KHDRBS2: variants seen among roughly 807,000 people sequenced by gnomAD.
The protein encoded by KHDRBS2 is KH domain-containing, RNA-binding, signal transduction-associated protein 2.
KHDRBS2 carries 26 observed loss-of-function variants against 44.3 expected under a neutral mutation model. That is an observed-to-expected ratio of 0.59 (90% confidence interval 0.43 to 0.81). The LOEUF is 0.81. Ranked by LOEUF, KHDRBS2 falls within the 40% of genes least tolerant of loss-of-function variation. KHDRBS2 has a pLI of 0.00. For missense variants in KHDRBS2, 476 were observed against 433.1 expected (o/e 1.10, Z -0.88); for synonymous variants, 194 against 151.1 (o/e 1.28, Z -2.08).
intron 4 of KHDRBS2, among the ~76,000 whole-genome samples, chr6:61,927,157 A>C (rs1809123596): frequency 6.6e-6 from 1 of 152,116 alleles, no homozygotes; most frequent in Non-Finnish European, 1.5e-5. Flanking sequence ...CAGAGGCAAG[A>C]GTAACAACAA....
chr6:62,213,646 G>A (rs763497122), intron 1 of KHDRBS2, among the ~76,000 whole-genome samples: 3 of 151,604 alleles, frequency 2.0e-5, no homozygotes, highest in Admixed American at 1.3e-4. Flanking sequence ...AGGCTGAGAC[G>A]GTCGGATCAC....
At chr6:62,241,813 T>C (rs190407078) in intron 1 of KHDRBS2, among the ~76,000 whole-genome samples, 54 of 152,274 alleles carry the variant, frequency 3.5e-4, no homozygotes, top group African/African-American at 1.2e-3. Context: ...GTGAGCCAAG[T>C]ACAGTAGAAG....
At chr6:61,990,545 C>G (rs1168458207) in intron 3 of KHDRBS2, among the ~76,000 whole-genome samples, 1 of 151,944 alleles carries the variant, frequency 6.6e-6, no homozygotes, top group African/African-American at 2.4e-5. Context: ...AGAAGTAGAA[C>G]TACAAAGAAA....
chr6:61,781,542 T>C (rs181918764), intron 6 of KHDRBS2, among the ~76,000 whole-genome samples: 166 of 152,314 alleles, frequency 1.1e-3, no homozygotes, highest in African/African-American at 3.9e-3. Context: ...CTGCAAGCTT[T>C]TGCTTTTCCC....
intron 4 of KHDRBS2, among the ~76,000 whole-genome samples, chr6:61,943,016 GAGAA>G (rs939907810): frequency 3.4e-4 from 48 of 139,796 alleles, no homozygotes; most frequent in East Asian, 2.3e-3. Context: ...GAGAGAGAGA[GAGAA>G]AGGAAGGAAG....
intron 2 of KHDRBS2, among the ~76,000 whole-genome samples, chr6:62,062,603 A>G (rs1435957958): frequency 6.7e-6 from 1 of 149,572 alleles, no homozygotes; most frequent in African/African-American, 2.4e-5. Context: ...ACAACATACC[A>G]GAATCTCTGG....
At chr6:61,694,487 T>C (rs1767692100) in intron 8 of KHDRBS2, among the ~76,000 whole-genome samples, 1 of 152,178 alleles carries the variant, frequency 6.6e-6, no homozygotes, top group African/African-American at 2.4e-5. Flanking sequence ...GCCCAGTTTG[T>C]GTCTTATTCA....
intron 4 of KHDRBS2, among the ~76,000 whole-genome samples, chr6:61,901,818 A>C (rs1421046400): frequency 6.6e-6 from 1 of 152,208 alleles, no homozygotes; most frequent in African/African-American, 2.4e-5. Flanking sequence ...GAGCAATCCC[A>C]AGGGCTCAGA....
intron 8 of KHDRBS2, among the ~76,000 whole-genome samples, chr6:61,696,735 A>G (rs1262233853): frequency 2.0e-5 from 3 of 152,130 alleles, no homozygotes; most frequent in Non-Finnish European, 2.9e-5. Flanking sequence ...CTTATTGACT[A>G]TCAATTTTTT....
downstream of KHDRBS2, among the ~76,000 whole-genome samples, chr6:61,677,444 A>G (rs937562377): frequency 9.9e-5 from 15 of 151,970 alleles, no homozygotes; most frequent in African/African-American, 3.6e-4. Flanking sequence ...GCAATCTTGC[A>G]GAGAAAAGAA....
intron 3 of KHDRBS2, among the ~76,000 whole-genome samples, chr6:62,017,663 T>C (rs1781453898): frequency 6.6e-6 from 1 of 152,086 alleles, no homozygotes; most frequent in African/African-American, 2.4e-5. Flanking sequence ...GAAAAACCCA[T>C]AGAAATTAGT....
At chr6:61,817,063 G>T in intron 6 of KHDRBS2, 1 of 403,926 alleles carries the variant, frequency 2.5e-6, no homozygotes, top group Middle Eastern at 3.6e-4. Flanking sequence ...ATAATATTCA[G>T]GTTTTCTAAA....
At chr6:62,079,457 A>G (rs565523393) in intron 2 of KHDRBS2, among the ~76,000 whole-genome samples, 1 of 152,154 alleles carries the variant, frequency 6.6e-6, no homozygotes, top group South Asian at 2.1e-4. Flanking sequence ...TATATTTTAC[A>G]TTTGTCACTG....
intron 1 of KHDRBS2, among the ~76,000 whole-genome samples, chr6:62,199,607 A>T (rs1826476179): frequency 6.6e-6 from 1 of 152,188 alleles, no homozygotes; most frequent in African/African-American, 2.4e-5. Context: ...ATGGAAGAAA[A>T]TTCCATGCTC....
the KHDRBS2 span, among the ~76,000 whole-genome samples, chr6:61,555,204 CT>C: frequency 6.6e-6 from 1 of 151,926 alleles, no homozygotes; most frequent in East Asian, 1.9e-4. Flanking sequence ...GTTCATTCAA[CT>C]TTATTATTTT....
chr6:61,677,072 C>T (rs1160294835), downstream of KHDRBS2, among the ~76,000 whole-genome samples: 1 of 151,874 alleles, frequency 6.6e-6, no homozygotes, highest in Non-Finnish European at 1.5e-5. Context: ...TCTTGTTCAA[C>T]ACTAATTTTT....
intron 6 of KHDRBS2, among the ~76,000 whole-genome samples, chr6:61,820,162 G>T (rs1403882016): frequency 6.6e-6 from 1 of 152,042 alleles, no homozygotes; most frequent in Admixed American, 6.6e-5. Flanking sequence ...GCTTTGGTCA[G>T]TTGTGAAAAG....
Position 62,244,406 on chromosome 6 carries a change from G to A in KHDRBS2, c.91+41452C>T, listed in dbSNP as rs115780082. Among the ~76,000 whole-genome samples, 384 of 152,060 alleles carry A rather than the reference G, an allele frequency of 2.5e-3. 3 individuals are homozygous for A. The highest frequency in any genetic ancestry group is 8.5e-3 in the African/African-American group (352 of 41,500). On this transcript the variant is annotated intron_variant, in intron 1 of 8. Coordinates refer to ENST00000281156, the MANE Select transcript of KHDRBS2 (RefSeq NM_152688.4). ...AAAGGAAGTTTAAATTCATCTGCCC[G>A]TGCTCCTAGTTCTGCTTTAAAAAAC...
chr6:62,180,688 A>C (rs2150125387), intron 1 of KHDRBS2, among the ~76,000 whole-genome samples: 1 of 152,006 alleles, frequency 6.6e-6, no homozygotes, highest in East Asian at 1.9e-4. Flanking sequence ...AATAGAAAAA[A>C]TAATCCCCAA....
Sources: allele counts gnomAD v4.1 joint callset (sites outside exome capture counted in the v4.1 genomes callset), GRCh38; gene constraint gnomAD v4.1.1; transcripts MANE v1.5; gene names NCBI Gene and HGNC (gene_info 2026-07-23, HGNC 2026-07-21).